Variants in HMX1 observed in about 807,000 individuals in gnomAD.
HMX1 encodes H6 family homeobox 1.
HMX1 carries 8 observed loss-of-function variants against 8.9 expected under a neutral mutation model. That is an observed-to-expected ratio of 0.90 (90% CI 0.53 to 1.63). HMX1 has a LOEUF of 1.63. Ranked by LOEUF, HMX1 falls within the 40% of genes most tolerant of loss-of-function variation. HMX1 has a pLI of 0.00. For missense variants in HMX1, 621 were observed against 558.5 expected (o/e 1.11, Z -1.13); for synonymous variants, 311 against 283.4 (o/e 1.10, Z -0.98).
chr4:8,867,646 C>T lies in HMX1; in HGVS notation c.*47G>A. ...CTGCGCCTGCCGCTGAATCGCGCGT[C>T]CACACAGGTCCACAGGGTCGTGGGG... On this transcript the variant is annotated 3_prime_UTR_variant, in exon 2 of 2. Coordinates refer to ENST00000400677, the MANE Select transcript of HMX1 (RefSeq NM_018942.3). 1.6e-6 allele frequency: 2 copies of T among 1,217,274 alleles called. No homozygotes were observed. The highest frequency in any genetic ancestry group is 1.6e-5 in the African/African-American group (1 of 63,748). 75.4% of individuals were successfully genotyped at this position (1,217,274 alleles called of 1,614,324 possible).
downstream of HMX1, among the ~76,000 whole-genome samples, chr4:8,864,908 G>A (rs531737941): frequency 3.5e-4 from 53 of 152,282 alleles, no homozygotes; most frequent in African/African-American, 1.3e-3. Flanking sequence ...TAATTCTATC[G>A]AAAGACACAT....
At position 8,849,822 on chromosome 4, in the gene HMX1, G is replaced by C. The variant is rs1721389553; in HGVS notation, c.395-3498C>G. On this transcript the variant is annotated intron_variant, in intron 1 of 1. Transcript: ENST00000506970. The surrounding 1 kb of genome is among the most constrained non-coding windows in gnomAD (Gnocchi z 6.6). Reference sequence around the variant, plus strand: ...CTGGAACAGCCCCTCCGGGCATCGGGTGTGGTCTGCCATTTGTCATTTAAC... The same window carrying C: ...CTGGAACAGCCCCTCCGGGCATCGGCTGTGGTCTGCCATTTGTCATTTAAC... Among the ~76,000 whole-genome samples, 1 of 152,204 alleles carries C rather than the reference G, an allele frequency of 6.6e-6. No homozygotes were observed. The highest frequency in any genetic ancestry group is 1.5e-5 in the Non-Finnish European group (1 of 68,036).
In HMX1 at chr4:8,867,865, G is replaced by GC. The variant is rs1249424424; in HGVS notation, c.874dup (p.Ala292GlyfsTer88). 7.9e-7 allele frequency: 1 copy of GC among 1,259,990 alleles called. No homozygotes were observed. The highest frequency in any genetic ancestry group is 1.0e-6 in the Non-Finnish European group (1 of 1,004,394). The allele number at this position is 1,259,990 out of a possible 1,614,324, so 78.1% of individuals were successfully genotyped here. A position where few individuals can be genotyped will look rare whatever the true frequency, so the allele number is the denominator to read the frequency against. On this transcript the variant is annotated frameshift_variant, in exon 2 of 2. Coordinates refer to ENST00000400677, the MANE Select transcript of HMX1 (RefSeq NM_018942.3). LOFTEE classifies it low-confidence loss of function (END_TRUNC). Reference sequence around the variant, plus strand: ...GGCCGGGGGCCCAGCGGCGGCTGCGGCCGGGGGGCTTTCGTGGTAGAGCAC... The same window carrying GC: ...GGCCGGGGGCCCAGCGGCGGCTGCGGCCCGGGGGGCTTTCGTGGTAGAGCAC...
At position 8,867,793 on chromosome 4, in the gene HMX1, G is replaced by A. The variant is rs1577200354; in HGVS notation, c.947C>T (p.Pro316Leu). 1 of 1,241,884 alleles carries A rather than the reference G, an allele frequency of 8.1e-7. No homozygotes were observed. Among genetic ancestry groups the A allele is most frequent in the Non-Finnish European group, 1.0e-6 (1 of 996,550 alleles). The allele number at this position is 1,241,884 out of a possible 1,614,324, so 76.9% of individuals were successfully genotyped here. ...GAGGGCCCCGGAGAAGCCGAGCAGC[G>A]GTGGGGGCGGCGCGGGCGCGGCGGG... is the stretch of plus-strand genomic sequence containing the variant. ...LAPAAPAPPP[P>L]LLGFSGALAY... Residue 316 changes from proline (P) to leucine (L), a missense_variant, in exon 2 of 2, where the codon CCG becomes CTG. By Grantham distance (98) the Pro-to-Leu change is moderately conservative. Transcript: ENST00000400677.
chr4:8,866,746 C>G (rs1445217465), downstream of HMX1, among the ~76,000 whole-genome samples: 12 of 152,246 alleles, frequency 7.9e-5, no homozygotes, highest in Non-Finnish European at 1.6e-4. Context: ...CAGCGGCCAT[C>G]AGTGGGCCTC....
At chr4:8,856,798 A>T (rs1721621906) in intron 1 of HMX1, among the ~76,000 whole-genome samples, 1 of 152,212 alleles carries the variant, frequency 6.6e-6, no homozygotes, top group South Asian at 2.1e-4. Context: ...AATCTTTATC[A>T]AAAACTCTGG....
rs1036012816 is a variant in HMX1, at chr4:8,870,481, G to C, written c.394+740C>G. On this transcript the variant is annotated intron_variant, in intron 1 of 1. Coordinates refer to ENST00000400677, the MANE Select transcript of HMX1 (RefSeq NM_018942.3). This position sits in a 1 kb window ranked among gnomAD's most constrained non-coding sequence, Gnocchi z 4.4. ...GGGAGGGGCAGAAAAAGAAGAGAGA[G>C]GGGTTGGACTGGGGGCCTCAGAACA... Among the ~76,000 whole-genome samples, 13 of 152,248 alleles carry C rather than the reference G, an allele frequency of 8.5e-5. No individual in the cohort carries two copies. The highest frequency in any genetic ancestry group is 3.4e-3 in the Middle Eastern group (1 of 292).
Position 8,847,395 on chromosome 4 carries a change from C to A in HMX1, c.395-1071G>T, listed in dbSNP as rs1203327477. The stretch of plus-strand genomic sequence containing the variant: ...AGGAGGAGCAAGATGTTTCTGGGAA[C>A]GTGGTTTGAGAAATGCTGTTCACGG... On this transcript the variant is annotated intron_variant, in intron 1 of 1. Coordinates refer to the HMX1 transcript ENST00000506970. This position sits in a 1 kb window ranked among gnomAD's most constrained non-coding sequence, Gnocchi z 6.0. 1.3e-5 allele frequency among the ~76,000 whole-genome samples: 2 copies of A among 152,174 alleles called. No individual in the cohort carries two copies. Among genetic ancestry groups the A allele is most frequent in the South Asian group, 2.1e-4 (1 of 4,822 alleles).
chr4:8,862,828 C>T (rs1721872611), downstream of HMX1, among the ~76,000 whole-genome samples: 1 of 152,222 alleles, frequency 6.6e-6, no homozygotes, highest in East Asian at 1.9e-4. Flanking sequence ...GTGAGGCTGG[C>T]TCTTCGACCA....
intron 1 of HMX1, among the ~76,000 whole-genome samples, chr4:8,856,233 T>C (rs1721604896): frequency 2.0e-5 from 3 of 152,132 alleles, no homozygotes; most frequent in Admixed American, 2.0e-4. Flanking sequence ...AGTTGATAGA[T>C]TCCTTTTAAA....
At chr4:8,858,412 A>G (rs1208508465) in intron 1 of HMX1, among the ~76,000 whole-genome samples, 1 of 152,206 alleles carries the variant, frequency 6.6e-6, no homozygotes, top group Non-Finnish European at 1.5e-5. Flanking sequence ...TTCGCAGAAG[A>G]AAACAGGCCG....
rs148040832 is a variant in HMX1 at position 8,855,114 on chromosome 4, A to C, written c.395-8790T>G. 7.1e-3 allele frequency among the ~76,000 whole-genome samples: 1,079 copies of C among 152,352 alleles called. 10 individuals carry two copies. Among genetic ancestry groups the C allele is most frequent in the African/African-American group, 0.024 (1,015 of 41,584 alleles). ...ACCATGGGCTTCCCCCAGCGCCTGC[A>C]GTCCCTCTCCCCCGTGGACTCCACG... On this transcript the variant is annotated intron_variant, in intron 1 of 1. Coordinates refer to the HMX1 transcript ENST00000506970.
Position 8,867,209 on chromosome 4 carries a change from G to C in HMX1, c.*484C>G. 15 of 985,794 alleles carry C rather than the reference G, an allele frequency of 1.5e-5. No individual in the cohort carries two copies. The highest frequency in any genetic ancestry group is 1.8e-5 in the Non-Finnish European group (15 of 830,162). The allele number at this position is 985,794 out of a possible 1,614,324, so 61.1% of individuals were successfully genotyped here. On this transcript the variant is annotated 3_prime_UTR_variant, in exon 2 of 2. Transcript: ENST00000400677. ...GGGTCCTTTCTCCACCAGCACCCGC[G>C]AGAGGGGTAGCACAGCCCTCCGGGC...
At chr4:8,846,737 G>A (rs1350820333) in intron 1 of HMX1, among the ~76,000 whole-genome samples, 1 of 148,530 alleles carries the variant, frequency 6.7e-6, no homozygotes, top group African/African-American at 2.5e-5. Context: ...AACCATACAC[G>A]GAGCTCCTAC....
intron 1 of HMX1, among the ~76,000 whole-genome samples, chr4:8,854,738 A>G (rs1721558448): frequency 6.6e-6 from 1 of 152,214 alleles, no homozygotes. Context: ...CTTTCTTTGG[A>G]GAACCCTAAT....
At chr4:8,865,400 G>A (rs1297712764), downstream of HMX1, among the ~76,000 whole-genome samples, 1 of 152,158 alleles carries the variant, frequency 6.6e-6, no homozygotes, top group African/African-American at 2.4e-5. Flanking sequence ...CCGTTGGGAA[G>A]GCCGAGGCAG....
chr4:8,857,693 G>C (rs1293785688), intron 1 of HMX1, among the ~76,000 whole-genome samples: 1 of 152,222 alleles, frequency 6.6e-6, no homozygotes, highest in Non-Finnish European at 1.5e-5. Context: ...CTGAGTCTGG[G>C]GGTTCGGGAA....
At chr4:8,861,096 C>A (rs1037198613) in intron 1 of HMX1, among the ~76,000 whole-genome samples, 1 of 152,078 alleles carries the variant, frequency 6.6e-6, no homozygotes, top group Non-Finnish European at 1.5e-5. Context: ...CCGCGGGGTC[C>A]CGGACACAGC....
intron 1 of HMX1, among the ~76,000 whole-genome samples, chr4:8,861,573 A>T (rs143537415): frequency 0.19 from 28,452 of 152,088 alleles, 3,626 homozygotes; most frequent in East Asian, 0.6. Flanking sequence ...TCGGAAGAAG[A>T]CAGGCGAAGG....
Sources: allele counts gnomAD v4.1 joint callset (sites outside exome capture counted in the v4.1 genomes callset), GRCh38; gene constraint gnomAD v4.1.1; non-coding constraint Gnocchi (gnomAD v3.1); transcripts MANE v1.5; gene names NCBI Gene and HGNC (gene_info 2026-07-23, HGNC 2026-07-21).